The following PTPRK variants were observed in gnomAD, a reference collection of about 807,000 sequenced individuals.
PTPRK encodes the protein receptor-type tyrosine-protein phosphatase kappa.
PTPRK carries 75 observed loss-of-function variants against 178.0 expected under a neutral mutation model. The observed-to-expected ratio is 0.42, with a 90% CI of 0.35 to 0.51. The LOEUF (loss-of-function observed/expected upper bound fraction) is 0.51, where lower values mean the gene tolerates loss of function less well. Ranked by LOEUF, PTPRK falls within the 20% of genes least tolerant of loss-of-function variation. The pLI is 0.02. For missense variants in PTPRK, 1,441 were observed against 1,797.8 expected (o/e 0.80, Z 3.59); for synonymous variants, 637 against 620.6 (o/e 1.03, Z -0.39).
intron 1 of PTPRK, among the ~76,000 whole-genome samples, chr6:128,502,804 T>C (rs981621324): frequency 6.6e-6 from 1 of 152,220 alleles, no homozygotes; most frequent in African/African-American, 2.4e-5. Context: ...TGTATCTGTA[T>C]GGTGGAAGTA....
At chr6:128,071,524 C>T (rs966190812) in intron 11 of PTPRK, among the ~76,000 whole-genome samples, 1 of 152,048 alleles carries the variant, frequency 6.6e-6, no homozygotes, top group Admixed American at 6.6e-5. Flanking sequence ...CAGCATGCTA[C>T]CTTTTCAAGA....
intron 1 of PTPRK, among the ~76,000 whole-genome samples, chr6:128,447,064 C>T (rs1847125196): frequency 6.6e-6 from 1 of 152,130 alleles, no homozygotes; most frequent in Admixed American, 6.5e-5. Flanking sequence ...GTGCTTTGCA[C>T]ATGGTGAGGG....
intron 13 of PTPRK, among the ~76,000 whole-genome samples, chr6:128,025,968 G>T (rs1774220672): frequency 6.6e-6 from 1 of 152,132 alleles, no homozygotes; most frequent in South Asian, 2.1e-4. Context: ...AGCTTATTGG[G>T]ATTAGGACCT....
rs372864313 is a variant in PTPRK at position 128,078,783 on chromosome 6, G to C, written c.1883+30C>G. 18 of 1,512,120 alleles carry C rather than the reference G, an allele frequency of 1.2e-5. No individual in the cohort carries two copies. In the African/African-American group the frequency reaches 2.2e-4, roughly 19 times the overall value. 93.7% of individuals were successfully genotyped at this position (1,512,120 alleles called of 1,614,324 possible). A position where few individuals can be genotyped will look rare whatever the true frequency, so the allele number is the denominator to read the frequency against. On this transcript the variant is annotated intron_variant, in intron 11 of 29. Coordinates refer to ENST00000368226, the MANE Select transcript of PTPRK (RefSeq NM_002844.4). ...TTGGGATGTACATACCTGTGGATAA[G>C]GCAGAACTACTGTAGTTTTCTCCTC...
rs115387418 is a variant in PTPRK, at chr6:128,012,418, G to A, written c.2195-3150C>T. 4.5e-3 allele frequency among the ~76,000 whole-genome samples: 686 copies of A among 151,336 alleles called. 4 individuals carry two copies. Among genetic ancestry groups the A allele is most frequent in the African/African-American group, 0.016 (649 of 41,402 alleles). On this transcript the variant is annotated intron_variant, in intron 13 of 29. Coordinates refer to ENST00000368226, the MANE Select transcript of PTPRK (RefSeq NM_002844.4). ...AAGAGAGCAAAAAGCTATTATAGTG[G>A]TGGTGCCCCTGAGTTCTGTTTATAA... is the stretch of plus-strand genomic sequence containing the variant.
rs1044182466 is a variant in PTPRK, at chr6:128,270,686, G to A, written c.496-28084C>T. Among the ~76,000 whole-genome samples, 5 of 152,194 alleles carry A rather than the reference G, an allele frequency of 3.3e-5. No homozygotes were observed. In the East Asian group the frequency reaches 5.8e-4, roughly 18 times the overall value. On this transcript the variant is annotated intron_variant, in intron 3 of 29. Coordinates refer to ENST00000368226, the MANE Select transcript of PTPRK (RefSeq NM_002844.4). ...TGCGTCTTTAGATAATGTACAATACGCAGCATCCAGTAGTCTTAACTTTTA... is the reference window on the plus strand; with the variant it reads ...TGCGTCTTTAGATAATGTACAATACACAGCATCCAGTAGTCTTAACTTTTA...
rs113213459 is a variant in PTPRK, at chr6:128,435,599, G to C, written c.101-37911C>G. Among the ~76,000 whole-genome samples the C allele has an allele frequency of 6.0e-3, 915 of 152,204 alleles. 8 individuals carry two copies. The highest frequency in any genetic ancestry group is 0.021 in the African/African-American group (866 of 41,522). ...CTGATGAAAGGAGAAGGAAATGATA[G>C]TTTTCTATCTTTCTGGTGTATGGTC... On this transcript the variant is annotated intron_variant, in intron 1 of 29. Transcript: ENST00000368226.
intron 6 of PTPRK, among the ~76,000 whole-genome samples, chr6:128,204,672 C>G (rs547957142): frequency 6.6e-6 from 1 of 150,616 alleles, no homozygotes; most frequent in African/African-American, 2.4e-5. Flanking sequence ...AAAAAAAGAT[C>G]AACATCACTG....
chr6:128,132,973 A>G (rs889236136), intron 7 of PTPRK, among the ~76,000 whole-genome samples: 3 of 152,250 alleles, frequency 2.0e-5, no homozygotes, highest in African/African-American at 7.2e-5. Context: ...AGACTGACTC[A>G]TATGAACACC....
chr6:128,286,793 T>C (rs559870065), intron 3 of PTPRK, among the ~76,000 whole-genome samples: 23 of 152,334 alleles, frequency 1.5e-4, no homozygotes, highest in Non-Finnish European at 1.8e-4. Context: ...CTCACAAAGA[T>C]TAATTTAAAG....
chr6:128,015,428 GA>G (rs1450869968), intron 13 of PTPRK, among the ~76,000 whole-genome samples: 2 of 151,586 alleles, frequency 1.3e-5, no homozygotes, highest in Non-Finnish European at 3.0e-5. Context: ...AGTTCTCTCT[GA>G]AATTGGTTCT....
At chr6:128,383,455 AT>A (rs984417215) in intron 2 of PTPRK, among the ~76,000 whole-genome samples, 1 of 152,186 alleles carries the variant, frequency 6.6e-6, no homozygotes, top group Non-Finnish European at 1.5e-5. Context: ...TCAAAAGGCC[AT>A]TTTGCAATAG....
chr6:128,287,153 C>A (rs993033653), intron 3 of PTPRK, among the ~76,000 whole-genome samples: 4 of 152,128 alleles, frequency 2.6e-5, no homozygotes, highest in Non-Finnish European at 4.4e-5. Flanking sequence ...TCTCAGTCTC[C>A]TCCCATCAAG....
At chr6:128,192,128 TA>T (rs1803909765) in intron 6 of PTPRK, among the ~76,000 whole-genome samples, 1 of 152,192 alleles carries the variant, frequency 6.6e-6, no homozygotes, top group Non-Finnish European at 1.5e-5. Context: ...TGCTTAAAAG[TA>T]AAGTAAAAAC....
At chr6:128,456,013 G>A (rs970981703) in intron 1 of PTPRK, among the ~76,000 whole-genome samples, 2 of 151,918 alleles carry the variant, frequency 1.3e-5, no homozygotes, top group African/African-American at 2.4e-5. Context: ...ACAGAACCAG[G>A]GAATTATCAC....
chr6:128,313,453 G>A (rs896696248), intron 3 of PTPRK, among the ~76,000 whole-genome samples: 1 of 152,086 alleles, frequency 6.6e-6, no homozygotes, highest in East Asian at 1.9e-4. Flanking sequence ...CAAGGAGAAG[G>A]GAGAGACCAC....
chr6:128,340,684 T>G, intron 2 of PTPRK: 1 of 377,334 alleles, frequency 2.7e-6, no homozygotes, highest in Non-Finnish European at 5.0e-6. Flanking sequence ...TTAACATCCT[T>G]TGTTATTTAA....
At chr6:128,497,328 T>G (rs752602391) in intron 1 of PTPRK, among the ~76,000 whole-genome samples, 1 of 152,178 alleles carries the variant, frequency 6.6e-6, no homozygotes, top group Non-Finnish European at 1.5e-5. Context: ...AACCATTTTA[T>G]GCTGAGCTCA....
At chr6:128,352,835 T>G (rs181041988) in intron 2 of PTPRK, among the ~76,000 whole-genome samples, 2 of 152,234 alleles carry the variant, frequency 1.3e-5, no homozygotes, top group Admixed American at 6.5e-5. Flanking sequence ...GAAAATGATA[T>G]GCTAGTTGAA....
Sources: allele counts gnomAD v4.1 joint callset (sites outside exome capture counted in the v4.1 genomes callset), GRCh38; gene constraint gnomAD v4.1.1; transcripts MANE v1.5; gene names NCBI Gene and HGNC (gene_info 2026-07-23, HGNC 2026-07-21).